Variants in ANXA4 observed in about 807,000 individuals in gnomAD.
ANXA4 encodes the protein 35-beta calcimedin.
In ANXA4, 39 loss-of-function variants were observed where a neutral mutation model predicts 49.8. That is an observed-to-expected ratio of 0.78 (90% CI 0.61 to 1.02). The LOEUF is 1.02. Among genes scored for constraint, ANXA4 ranks in the 50% least tolerant of loss-of-function variants. The pLI is 0.00. For synonymous variants in ANXA4, 134 were observed against 152.5 expected (o/e 0.88, Z 0.89); for missense variants, 360 against 410.1 (o/e 0.88, Z 1.05).
intron 2 of ANXA4, among the ~76,000 whole-genome samples, chr2:69,711,581 G>A (rs569195747): frequency 1.3e-4 from 20 of 152,342 alleles, no homozygotes; most frequent in East Asian, 3.9e-4. Flanking sequence ...CACCTTGATC[G>A]TGGTGGTGGT....
intron 2 of ANXA4, among the ~76,000 whole-genome samples, chr2:69,683,134 T>C (rs905706576): frequency 6.6e-6 from 1 of 152,210 alleles, no homozygotes; most frequent in African/African-American, 2.4e-5. Context: ...AAGAAGTATA[T>C]ACATTCCTAC....
At chr2:69,799,675 G>A (rs981641656) in intron 3 of ANXA4, among the ~76,000 whole-genome samples, 10 of 152,094 alleles carry the variant, frequency 6.6e-5, no homozygotes, top group African/African-American at 2.4e-4. Flanking sequence ...CTTCATGCTG[G>A]GTAGGTACAG....
At chr2:69,674,775 T>A (rs1048776366) in intron 2 of ANXA4, among the ~76,000 whole-genome samples, 4 of 152,202 alleles carry the variant, frequency 2.6e-5, no homozygotes, top group African/African-American at 9.6e-5. Flanking sequence ...GCCCTTTCTC[T>A]TCTAAATTAT....
chr2:69,757,873 C>T (rs971689855), intron 1 of ANXA4, among the ~76,000 whole-genome samples: 24 of 148,800 alleles, frequency 1.6e-4, no homozygotes, highest in African/African-American at 4.5e-4. Context: ...GCAGGAGAAT[C>T]GCTTGAACCC....
intron 2 of ANXA4, among the ~76,000 whole-genome samples, chr2:69,653,778 G>A (rs989165503): frequency 6.6e-6 from 1 of 152,200 alleles, no homozygotes; most frequent in East Asian, 1.9e-4. Context: ...ATGATGCTTG[G>A]TTCCATATGA....
intron 2 of ANXA4, among the ~76,000 whole-genome samples, chr2:69,709,729 G>T (rs771886373): frequency 1.3e-4 from 20 of 152,118 alleles, no homozygotes; most frequent in Non-Finnish European, 2.6e-4. Context: ...CAAAGCTTTG[G>T]GGTGGTCTGT....
At chr2:69,818,402 A>C (rs571844219) in intron 9 of ANXA4, 197 bp from the exon 10 acceptor site, 9 of 368,584 alleles carry the variant, frequency 2.4e-5, no homozygotes, top group Non-Finnish European at 4.5e-5. Flanking sequence ...ACATCACAGC[A>C]TTTCTTCCTC....
intron 12 of ANXA4, among the ~76,000 whole-genome samples, chr2:69,822,178 T>C (rs973081520): frequency 6.6e-6 from 1 of 151,990 alleles, no homozygotes. Context: ...CTAGCCAACA[T>C]AGTGAGACCC....
chr2:69,709,402 A>G (rs1184805017), intron 2 of ANXA4, among the ~76,000 whole-genome samples: 1 of 152,074 alleles, frequency 6.6e-6, no homozygotes. Context: ...ATTTTCCTCA[A>G]ACAAAGGCTT....
At chr2:69,733,333 G>T (rs113526809) in intron 3 of ANXA4, among the ~76,000 whole-genome samples, 7 of 152,210 alleles carry the variant, frequency 4.6e-5, no homozygotes, top group African/African-American at 1.7e-4. Flanking sequence ...GCTGGGCCTG[G>T]TGGCTCACAC....
chr2:69,705,644 A>G (rs1559095277), intron 2 of ANXA4, among the ~76,000 whole-genome samples: 1 of 152,182 alleles, frequency 6.6e-6, no homozygotes, highest in Non-Finnish European at 1.5e-5. Context: ...TTAAGCACAT[A>G]CTTCTGGCTG....
At chr2:69,722,954 C>T (rs1019151625) in intron 3 of ANXA4, among the ~76,000 whole-genome samples, 7 of 150,502 alleles carry the variant, frequency 4.7e-5, no homozygotes, top group Admixed American at 2.0e-4. Flanking sequence ...GGGCGGATCA[C>T]GAGGTCAGGA....
chr2:69,765,311 T>G lies in ANXA4; in HGVS notation c.-46-16209T>G, dbSNP rs367900860. Among the ~76,000 whole-genome samples the G allele has an allele frequency of 9.2e-5, 14 of 152,340 alleles. No homozygotes were observed. The East Asian group carries it at 2.7e-3, about 29-fold the overall frequency. ...TTGTTGAGGAACCACCATACTGTTT[T>G]TACGGTGGCTGTACCATTTTACTTT... On this transcript the variant is annotated intron_variant, in intron 1 of 12. Transcript: ENST00000394295.
chr2:69,815,324 A>G (rs911538392), intron 8 of ANXA4: 11 of 152,248 alleles, frequency 7.2e-5, no homozygotes, highest in Admixed American at 7.2e-4. Flanking sequence ...GATTATGTGA[A>G]TTGACTCTAA....
chr2:69,751,933 C>A (rs1222654311), intron 1 of ANXA4, among the ~76,000 whole-genome samples: 3 of 152,058 alleles, frequency 2.0e-5, no homozygotes, highest in Admixed American at 1.3e-4. Context: ...CACACTGACT[C>A]AGGGAGATAA....
At chr2:69,687,110 T>G (rs1677816757) in intron 2 of ANXA4, among the ~76,000 whole-genome samples, 1 of 152,172 alleles carries the variant, frequency 6.6e-6, no homozygotes, top group South Asian at 2.1e-4. Flanking sequence ...GGGGAGAGCT[T>G]GTTTTCAAAT....
chr2:69,816,176 C>T lies in ANXA4; in HGVS notation c.610C>T (p.Arg204Ter), dbSNP rs369370829. ...KFLTVLCSRN[R>*]NHLLHVFDEY... ...TCTAACTGTTCTCTGTTCCCGGAAC[C>T]GAAATCACCTGTTGCATGGTAAGGC... is the stretch of plus-strand genomic sequence containing the variant. The change falls in exon 9 of 13, where the codon CGA (arginine) becomes TGA (stop). Residue 204 changes from arginine to a stop codon, truncating the protein, a stop_gained. Transcript: ENST00000394295. LOFTEE classifies it high-confidence loss of function. The T allele has an allele frequency of 5.0e-6, 8 of 1,613,854 alleles. No individual in the cohort carries two copies. Among genetic ancestry groups the T allele is most frequent in the East Asian group, 2.2e-5 (1 of 44,890 alleles).
At chr2:69,691,151 C>A (rs1677951692) in intron 2 of ANXA4, among the ~76,000 whole-genome samples, 1 of 150,912 alleles carries the variant, frequency 6.6e-6, no homozygotes, top group African/African-American at 2.4e-5. Flanking sequence ...TTAAACGGAG[C>A]CTCTCTTTGT....
Position 69,804,594 on chromosome 2 carries a change from G to A in ANXA4, c.159G>A (p.Glu53=). ...ACCGCAACACCGCCCAGCGCCAGGA[G>A]ATCAGGACAGCCTACAAGAGCACCA... ...LAYRNTAQRQ[E]IRTAYKSTIG... Residue 53 remains glutamate (E), a synonymous_variant, in exon 4 of 13, where the codon GAG becomes GAA. Coordinates refer to ENST00000394295, the MANE Select transcript of ANXA4 (RefSeq NM_001153.5). 1.2e-6 allele frequency: 2 copies of A among 1,613,820 alleles called. No individual in the cohort carries two copies. The highest frequency in any genetic ancestry group is 1.1e-5 in the South Asian group (1 of 90,996).
Sources: allele counts gnomAD v4.1 joint callset (sites outside exome capture counted in the v4.1 genomes callset), GRCh38; gene constraint gnomAD v4.1.1; transcripts MANE v1.5; gene names NCBI Gene and HGNC (gene_info 2026-07-23, HGNC 2026-07-21).